CSMD2: variants seen among roughly 807,000 people sequenced by gnomAD.
CSMD2 encodes CUB and Sushi multiple domains 2, also known as CUB and sushi domain-containing protein 2.
A neutral mutation model predicts 398.5 loss-of-function variants in CSMD2; 130 were observed. The observed-to-expected ratio is 0.33, with a 90% CI of 0.28 to 0.38. The LOEUF is 0.38. CSMD2 is among the 10% of genes least tolerant of loss of function. The pLI is 1.00. For missense variants in CSMD2, 3,829 were observed against 4,764.9 expected, an observed-to-expected ratio of 0.80 and a Z score of 5.78; for synonymous variants, 1,828 against 1,908.5, an observed-to-expected ratio of 0.96 and a Z score of 1.10.
chr1:33,940,245 C>T (rs1482301883), intron 3 of CSMD2, among the ~76,000 whole-genome samples: 2 of 152,076 alleles, frequency 1.3e-5, no homozygotes, highest in Non-Finnish European at 2.9e-5. Flanking sequence ...TTTATAAGGA[C>T]ACCACTCATA....
chr1:33,724,182 G>T lies in CSMD2; in HGVS notation c.3001+15C>A. 2 of 1,584,390 alleles carry T rather than the reference G, an allele frequency of 1.3e-6. No homozygotes were observed. The highest frequency in any genetic ancestry group is 1.1e-5 in the South Asian group (1 of 90,410). On this transcript the variant is annotated intron_variant, in intron 19 of 70. Transcript: ENST00000373381. Reference sequence around the variant, plus strand: ...TCGTCACATCCCAATGCCTGCTATGGGCTGAAACACTCACCCTTGCCATGA... The same window carrying T: ...TCGTCACATCCCAATGCCTGCTATGTGCTGAAACACTCACCCTTGCCATGA...
Position 33,655,894 on chromosome 1 carries a change from C to T in CSMD2, c.4447+2052G>A, listed in dbSNP as rs183105698. Among the ~76,000 whole-genome samples the T allele has an allele frequency of 1.2e-4, 18 of 152,342 alleles. No homozygotes were observed. In the East Asian group the frequency reaches 3.5e-3, roughly 29 times the overall value. ...TAACCTCTCCACCCTACCCACTGCA[C>T]ATTTATTGCTCTCCTCAGCTTAGCA... On this transcript the variant is annotated intron_variant, in intron 27 of 70. Transcript: ENST00000373381.
In CSMD2 at chr1:34,164,190, C is replaced by T. The variant is rs1220000255; in HGVS notation, c.187+721G>A. On this transcript the variant is annotated intron_variant, in intron 1 of 70. Transcript: ENST00000373381. The surrounding 1 kb of genome is among the most constrained non-coding windows in gnomAD (Gnocchi z 6.2). Reference sequence around the variant, plus strand: ...GAAGCCTGGCGGCGGCACTCCCTCCCCCGCCTCGGGCTACAACCCCCACCC... The same window carrying T: ...GAAGCCTGGCGGCGGCACTCCCTCCTCCGCCTCGGGCTACAACCCCCACCC... Among the ~76,000 whole-genome samples the T allele has an allele frequency of 6.6e-6, 1 of 152,106 alleles. No homozygotes were observed. Among genetic ancestry groups the T allele is most frequent in the Non-Finnish European group, 1.5e-5 (1 of 68,002 alleles).
At chr1:33,959,303 G>T (rs1460276481) in intron 3 of CSMD2, among the ~76,000 whole-genome samples, 1 of 152,192 alleles carries the variant, frequency 6.6e-6, no homozygotes, top group Non-Finnish European at 1.5e-5. Flanking sequence ...CAAAGGCAGG[G>T]ATCGTGTATG....
In CSMD2 at chr1:33,542,710, G is replaced by A. The variant is rs765108619; in HGVS notation, c.9277+10C>T. ...GTTGGCCATGGAACCCGTAGGGCCT[G>A]AGCTCTCACCGAGGCACTCAGGGTC... On this transcript the variant is annotated intron_variant, in intron 58 of 70. Coordinates refer to ENST00000373381, the MANE Select transcript of CSMD2 (RefSeq NM_001281956.2). The A allele has an allele frequency of 3.9e-5, 63 of 1,611,400 alleles. No individual in the cohort carries two copies. In the East Asian group the frequency reaches 5.1e-4, roughly 13 times the overall value.
chr1:33,707,515 A>G (rs1351526381), intron 22 of CSMD2, among the ~76,000 whole-genome samples: 2 of 152,116 alleles, frequency 1.3e-5, no homozygotes, highest in African/African-American at 4.8e-5. Context: ...GGAGACACAC[A>G]CTGTTTTTAT....
intron 9 of CSMD2, among the ~76,000 whole-genome samples, chr1:33,817,630 C>A (rs756063404): frequency 2.6e-5 from 4 of 152,206 alleles, no homozygotes; most frequent in Admixed American, 6.5e-5. Flanking sequence ...GTGGACAGTG[C>A]CCAGCAGGTT....
intron 29 of CSMD2, among the ~76,000 whole-genome samples, chr1:33,643,885 GGAAT>G (rs1208372457): frequency 1.8e-4 from 24 of 131,528 alleles, no homozygotes; most frequent in Admixed American, 4.7e-4. Context: ...GTGTAGTCTG[GGAAT>G]GAAGGAAGGA....
intron 44 of CSMD2, chr1:33,592,578 T>C (rs1639537118): frequency 1.4e-6 from 1 of 701,556 alleles, no homozygotes; most frequent in Non-Finnish European, 2.7e-6. Context: ...GTTAAGGTTT[T>C]GGATCTGCAA....
intron 11 of CSMD2, 31 bp downstream of exon 11, chr1:33,792,392 C>T: frequency 6.5e-7 from 1 of 1,537,868 alleles, no homozygotes; most frequent in South Asian, 1.1e-5. Context: ...CACCGTCCCA[C>T]CTTCCAAACA....
intron 2 of CSMD2, among the ~76,000 whole-genome samples, chr1:34,071,681 C>T (rs562607138): frequency 3.9e-5 from 6 of 152,296 alleles, no homozygotes; most frequent in African/African-American, 1.4e-4. Flanking sequence ...GCAGCTGCTT[C>T]CCACTAACAC....
chr1:33,544,005 T>C (rs978101944), intron 57 of CSMD2, among the ~76,000 whole-genome samples: 1 of 152,104 alleles, frequency 6.6e-6, no homozygotes, highest in Non-Finnish European at 1.5e-5. Context: ...CTTTAGCCAA[T>C]AGGAGCCTCT....
At chr1:33,886,528 C>T (rs575170725) in intron 5 of CSMD2, among the ~76,000 whole-genome samples, 11 of 152,322 alleles carry the variant, frequency 7.2e-5, no homozygotes, top group Admixed American at 7.2e-4. Context: ...CTGATGGCCT[C>T]TCTGGAAGCC....
At chr1:33,858,306 C>T (rs1215238852) in intron 5 of CSMD2, among the ~76,000 whole-genome samples, 1 of 152,184 alleles carries the variant, frequency 6.6e-6, no homozygotes, top group East Asian at 1.9e-4. Context: ...ATCTTTTAAA[C>T]GTTGAAATTT....
At chr1:33,840,435 C>A (rs1422224083) in intron 6 of CSMD2, among the ~76,000 whole-genome samples, 2 of 152,146 alleles carry the variant, frequency 1.3e-5, no homozygotes, top group African/African-American at 4.8e-5. Context: ...GAAGTCATTG[C>A]CCTCCTCAAG....
chr1:34,160,208 T>G (rs1476658482), intron 1 of CSMD2, among the ~76,000 whole-genome samples: 1 of 152,238 alleles, frequency 6.6e-6, no homozygotes, highest in Non-Finnish European at 1.5e-5. Context: ...TGCATGATTC[T>G]AATCTCACCT....
At chr1:33,747,620 A>G (rs940578792) in intron 13 of CSMD2, among the ~76,000 whole-genome samples, 45 of 152,204 alleles carry the variant, frequency 3.0e-4, no homozygotes, top group Non-Finnish European at 5.1e-4. Flanking sequence ...AAGATGCTTT[A>G]AAAAAGATAA....
chr1:33,724,605 C>G lies in CSMD2; in HGVS notation c.2795G>C (p.Ser932Thr). ...ACTTAATGTGTAGCCCGAGTCACAG[C>G]TGAAGGTCACCAGCGCGCCCACGTA... ...DFYVGALVTFSCDSGYTLSDG... is the reference protein window; with the variant it reads ...DFYVGALVTFTCDSGYTLSDG... Residue 932 changes from serine to threonine, a missense_variant, in exon 18 of 71, where the codon AGC (serine) becomes ACC (threonine). Transcript: ENST00000373381. The G allele has an allele frequency of 6.2e-7, 1 of 1,614,180 alleles. No individual in the cohort carries two copies. Among genetic ancestry groups the G allele is most frequent in the South Asian group, 1.1e-5 (1 of 91,074 alleles).
At chr1:33,841,332 G>A (rs1197201605) in intron 6 of CSMD2, among the ~76,000 whole-genome samples, 1 of 152,200 alleles carries the variant, frequency 6.6e-6, no homozygotes, top group Non-Finnish European at 1.5e-5. Flanking sequence ...GTGAGTCAAA[G>A]TGATTGATGA....
Sources: gnomAD v4.1 joint callset for allele counts (sites outside exome capture counted in the v4.1 genomes callset) on GRCh38, gnomAD v4.1.1 for gene constraint, Gnocchi (gnomAD v3.1) non-coding constraint, MANE v1.5 for transcripts, NCBI Gene and HGNC (gene_info 2026-07-23, HGNC 2026-07-21) for gene names.